USP15: variants seen among roughly 807,000 people sequenced by gnomAD.
USP15 encodes the protein ubiquitin carboxyl-terminal hydrolase 15.
USP15 carries 18 observed loss-of-function variants against 127.1 expected under a neutral mutation model. That is an observed-to-expected ratio of 0.14 (90% CI 0.10 to 0.21). The LOEUF is 0.21. Ranked by LOEUF, USP15 falls within the 10% of genes least tolerant of loss-of-function variation. The pLI, the probability that USP15 is intolerant of heterozygous loss-of-function variation, is 1.00. For synonymous variants in USP15, 364 were observed against 393.7 expected, an observed-to-expected ratio of 0.92 and a Z score of 0.89; for missense variants, 805 against 1,159.9, an observed-to-expected ratio of 0.69 and a Z score of 4.44.
chr12:62,374,559 T>C, intron 8 of USP15: 1 of 985,730 alleles, frequency 1.0e-6, no homozygotes, highest in Non-Finnish European at 1.2e-6. Flanking sequence ...TCCAAATGCA[T>C]TACAAGTTAT....
At chr12:62,283,866 T>C (rs1298090625) in intron 1 of USP15, among the ~76,000 whole-genome samples, 1 of 152,120 alleles carries the variant, frequency 6.6e-6, no homozygotes, top group African/African-American at 2.4e-5. Flanking sequence ...TGCTTGAACC[T>C]GGGAAGTGGA....
intron 7 of USP15, among the ~76,000 whole-genome samples, chr12:62,354,097 T>G (rs975071630): frequency 1.3e-5 from 2 of 151,408 alleles, no homozygotes; most frequent in African/African-American, 4.8e-5. Flanking sequence ...GTTGGTTTGG[T>G]TTTGTGTGTT....
chr12:62,355,320 T>G lies in USP15; in HGVS notation c.771-11T>G. On this transcript the variant is annotated splice_polypyrimidine_tract_variant and intron_variant, in intron 7 of 21. Transcript: ENST00000280377. Reference sequence around the variant, plus strand: ...TAATTGGCTGCATTATGAAAATTTTTTTTCTTCCAGTGTGAAAAACTCAAA... The same window carrying G: ...TAATTGGCTGCATTATGAAAATTTTGTTTCTTCCAGTGTGAAAAACTCAAA... The G allele has an allele frequency of 1.9e-6, 3 of 1,576,898 alleles. No homozygotes were observed. Among genetic ancestry groups the G allele is most frequent in the Non-Finnish European group, 2.6e-6 (3 of 1,164,162 alleles).
chr12:62,286,712 C>T (rs537064779), intron 1 of USP15, among the ~76,000 whole-genome samples: 6 of 151,896 alleles, frequency 4.0e-5, no homozygotes, highest in African/African-American at 1.4e-4. Flanking sequence ...CTGAGGTGGG[C>T]GGGTCACCTG....
chr12:62,407,379 A>G lies in USP15; in HGVS notation c.*3004A>G, dbSNP rs916334877. The stretch of plus-strand genomic sequence containing the variant: ...TGCCTCATAGGATTGTTGAGAGCTC[A>G]AATGAGATCATGTATTTTATGGGAA... On this transcript the variant is annotated 3_prime_UTR_variant, in exon 22 of 22. Coordinates refer to ENST00000280377, the MANE Select transcript of USP15 (RefSeq NM_001252078.2). 6 of 152,224 alleles carry G rather than the reference A, an allele frequency of 3.9e-5. No homozygotes were observed. The highest frequency in any genetic ancestry group is 1.4e-4 in the African/African-American group (6 of 41,464). 9.4% of individuals were successfully genotyped at this position (152,224 alleles called of 1,614,324 possible).
chr12:62,347,508 T>A (rs770054680), intron 6 of USP15, among the ~76,000 whole-genome samples: 23 of 151,998 alleles, frequency 1.5e-4, no homozygotes, highest in Non-Finnish European at 3.2e-4. Context: ...ATGAATTACA[T>A]TTTAAAAAAT....
At chr12:62,385,067 A>G (rs1342407601) in intron 11 of USP15, among the ~76,000 whole-genome samples, 1 of 151,882 alleles carries the variant, frequency 6.6e-6, no homozygotes, top group Non-Finnish European at 1.5e-5. Flanking sequence ...ATTTTGTTAT[A>G]ACTTTTGGCT....
chr12:62,280,842 G>T (rs2063627632), intron 1 of USP15, among the ~76,000 whole-genome samples: 1 of 152,150 alleles, frequency 6.6e-6, no homozygotes, highest in Admixed American at 6.6e-5. Context: ...GTCTAAAGAG[G>T]TAGCTAGGGA....
intron 6 of USP15, among the ~76,000 whole-genome samples, chr12:62,328,126 A>C (rs2065185708): frequency 6.6e-6 from 1 of 152,222 alleles, no homozygotes; most frequent in Non-Finnish European, 1.5e-5. Flanking sequence ...GAAAGAAGAA[A>C]TAAAGTTCAC....
chr12:62,335,790 CTTAT>C, intron 6 of USP15: 1 of 985,276 alleles, frequency 1.0e-6, no homozygotes, highest in African/African-American at 1.7e-5. Context: ...TAACAAAGTT[CTTAT>C]TTGTCTTTCT....
intron 5 of USP15, among the ~76,000 whole-genome samples, chr12:62,324,454 GTTA>G (rs1190493847): frequency 2.0e-5 from 3 of 151,852 alleles, no homozygotes; most frequent in Non-Finnish European, 1.5e-5. Flanking sequence ...ATATGTAACT[GTTA>G]CTCTTGTATA....
At chr12:62,351,907 A>G (rs1469769768) in intron 7 of USP15, among the ~76,000 whole-genome samples, 1 of 151,924 alleles carries the variant, frequency 6.6e-6, no homozygotes, top group East Asian at 1.9e-4. Context: ...TAACTTTAAA[A>G]AACTTGAATT....
chr12:62,304,761 T>C, intron 3 of USP15: 1 of 439,924 alleles, frequency 2.3e-6, no homozygotes, highest in Non-Finnish European at 4.5e-6. Flanking sequence ...CAGCAGACAA[T>C]AGAAACAGAC....
chr12:62,381,039 A>T (rs1466382473), intron 8 of USP15, among the ~76,000 whole-genome samples: 3 of 152,084 alleles, frequency 2.0e-5, no homozygotes, highest in Non-Finnish European at 4.4e-5. Flanking sequence ...CTCTTTCATG[A>T]TAAATAATTG....
At chr12:62,374,212 A>G (rs1485548470) in intron 8 of USP15, among the ~76,000 whole-genome samples, 1 of 152,040 alleles carries the variant, frequency 6.6e-6, no homozygotes, top group Non-Finnish European at 1.5e-5. Flanking sequence ...CAAACTAAGA[A>G]TGAATCCCTT....
intron 5 of USP15, among the ~76,000 whole-genome samples, chr12:62,323,601 C>T (rs2065047232): frequency 6.6e-6 from 1 of 152,180 alleles, no homozygotes; most frequent in African/African-American, 2.4e-5. Context: ...GATTAGCCAA[C>T]ACCGCCCTTT....
rs1423145518 is a variant in USP15 at position 62,406,638 on chromosome 12, C to G, written c.*2263C>G. The G allele has an allele frequency of 1.3e-5, 2 of 152,012 alleles. No homozygotes were observed. The highest frequency in any genetic ancestry group is 2.9e-5 in the Non-Finnish European group (2 of 68,004). 9.4% of individuals were successfully genotyped at this position (152,012 alleles called of 1,614,324 possible). A position where few individuals can be genotyped will look rare whatever the true frequency, so the allele number is the denominator to read the frequency against. On this transcript the variant is annotated 3_prime_UTR_variant, in exon 22 of 22. Coordinates refer to ENST00000280377, the MANE Select transcript of USP15 (RefSeq NM_001252078.2). ...CAAGAAGTATACTTTAAAAATAGTGCAAAAGGATAATACATATTCTAATTA... is the reference window on the plus strand; with the variant it reads ...CAAGAAGTATACTTTAAAAATAGTGGAAAAGGATAATACATATTCTAATTA...
intron 8 of USP15, among the ~76,000 whole-genome samples, chr12:62,363,689 C>CA (rs2066386040): frequency 6.6e-6 from 1 of 151,984 alleles, no homozygotes; most frequent in South Asian, 2.1e-4. Context: ...CCCGCGTCCC[C>CA]ACCCCGTGCT....
chr12:62,385,581 A>G (rs1040110939), intron 11 of USP15, among the ~76,000 whole-genome samples: 2 of 152,006 alleles, frequency 1.3e-5, no homozygotes, highest in African/African-American at 4.8e-5. Context: ...TCATATCAGT[A>G]TTTCACTGGA....
Sources: gnomAD v4.1 joint callset for allele counts (sites outside exome capture counted in the v4.1 genomes callset) on GRCh38, gnomAD v4.1.1 for gene constraint, MANE v1.5 for transcripts, NCBI Gene and HGNC (gene_info 2026-07-23, HGNC 2026-07-21) for gene names.